Variants in PLEKHM3 observed in about 807,000 individuals in gnomAD.
The protein encoded by PLEKHM3 is pleckstrin homology domain-containing family M member 3.
A neutral mutation model predicts 81.8 loss-of-function variants in PLEKHM3; 45 were observed. The observed-to-expected ratio is 0.55, with a 90% CI of 0.43 to 0.71. The LOEUF (loss-of-function observed/expected upper bound fraction) is 0.71, where lower values mean the gene tolerates loss of function less well. Ranked by LOEUF, PLEKHM3 falls within the 30% of genes least tolerant of loss-of-function variation. The pLI is 0.00. For missense variants in PLEKHM3, 788 were observed against 924.3 expected (o/e 0.85, Z 1.91); for synonymous variants, 352 against 356.4 (o/e 0.99, Z 0.14).
intron 3 of PLEKHM3, among the ~76,000 whole-genome samples, chr2:207,971,606 G>A (rs1691124354): frequency 6.7e-6 from 1 of 150,352 alleles, no homozygotes; most frequent in Non-Finnish European, 1.5e-5. Context: ...AATTTATATG[G>A]CATTTTGTGA....
Position 207,908,543 on chromosome 2 carries a change from G to T in PLEKHM3, c.1921C>A (p.His641Asn), listed in dbSNP as rs1688699973. 1 of 1,612,948 alleles carries T rather than the reference G, an allele frequency of 6.2e-7. No homozygotes were observed. The highest frequency in any genetic ancestry group is 1.1e-5 in the South Asian group (1 of 90,882). The change falls in exon 6 of 8, where the codon CAC (histidine) becomes AAC (asparagine). Residue 641 changes from histidine (H) to asparagine (N), a missense_variant. His to Asn is a moderately conservative substitution (Grantham distance 68). Transcript: ENST00000427836. ...TGCAGGTCGGCAAGTGAATACAGGT[G>T]GATCTGTTGAAGGAGGTATTCTCTG... ...FPREYLLQQI[H>N]LYSLADLQQV...
intron 7 of PLEKHM3, among the ~76,000 whole-genome samples, chr2:207,840,126 A>G (rs1245267879): frequency 6.6e-6 from 1 of 152,224 alleles, no homozygotes; most frequent in Non-Finnish European, 1.5e-5. Context: ...TTCATATAAT[A>G]TATTTAAAAC....
At chr2:208,017,893 G>C (rs1026802915) in intron 1 of PLEKHM3, among the ~76,000 whole-genome samples, 7 of 152,054 alleles carry the variant, frequency 4.6e-5, no homozygotes, top group African/African-American at 1.5e-4. Flanking sequence ...CTCTCTCCTG[G>C]TATTTCTCCT....
At chr2:207,927,927 T>C (rs1313040620) in intron 5 of PLEKHM3, among the ~76,000 whole-genome samples, 1 of 152,158 alleles carries the variant, frequency 6.6e-6, no homozygotes, top group African/African-American at 2.4e-5. Context: ...TCAGAATAAA[T>C]CATCCCTGGT....
In PLEKHM3 at chr2:207,825,266, C is replaced by T. The variant is rs762206775; in HGVS notation, c.*3053G>A. On this transcript the variant is annotated 3_prime_UTR_variant, in exon 8 of 8. Coordinates refer to ENST00000427836, the MANE Select transcript of PLEKHM3 (RefSeq NM_001080475.3). ...ATTTCACCAGGGTTGGACGATCTCA[C>T]ACATGAGTTTCTGGCACTTTTAGGA... The T allele has an allele frequency of 2.4e-4, 37 of 152,282 alleles. No homozygotes were observed. The highest frequency in any genetic ancestry group is 5.0e-4 in the Non-Finnish European group (34 of 68,030). The allele number at this position is 152,282 out of a possible 1,614,324, so 9.4% of individuals were successfully genotyped here. A position where few individuals can be genotyped will look rare whatever the true frequency, so the allele number is the denominator to read the frequency against.
chr2:207,927,207 TTTAGA>T (rs1437391646), intron 5 of PLEKHM3, among the ~76,000 whole-genome samples: 1 of 152,208 alleles, frequency 6.6e-6, no homozygotes, highest in Non-Finnish European at 1.5e-5. Context: ...ACTCCCCCAC[TTTAGA>T]TGTCGTATCC....
At chr2:207,834,760 G>A (rs2092309099) in intron 7 of PLEKHM3, among the ~76,000 whole-genome samples, 1 of 151,912 alleles carries the variant, frequency 6.6e-6, no homozygotes, top group Non-Finnish European at 1.5e-5. Flanking sequence ...CGTCTTGGTG[G>A]TGCGTCTTAG....
intron 5 of PLEKHM3, among the ~76,000 whole-genome samples, chr2:207,909,159 C>T (rs569110074): frequency 1.3e-5 from 2 of 152,294 alleles, no homozygotes; most frequent in South Asian, 4.1e-4. Flanking sequence ...TTTAGAACCT[C>T]TGTACAAATG....
intron 3 of PLEKHM3, among the ~76,000 whole-genome samples, chr2:207,957,762 T>G (rs1214016030): frequency 6.6e-6 from 1 of 152,056 alleles, no homozygotes; most frequent in Non-Finnish European, 1.5e-5. Flanking sequence ...GCAGAAGACA[T>G]TAATTAATTT....
rs370445813 is a variant in PLEKHM3 at position 207,828,425 on chromosome 2, C to T, written c.2180G>A (p.Arg727His). 2.5e-5 allele frequency: 40 copies of T among 1,614,032 alleles called. No individual in the cohort carries two copies. Among genetic ancestry groups the T allele is most frequent in the African/African-American group, 4.0e-5 (3 of 74,980 alleles). The part of the protein sequence containing the change: ...EKSVPCPRCV[R>H]RELQKKQKSF... ...CTTCTGCTTCTTCTGCAGCTCTCGGCGAACACACCTCGGGCAGGGGACAGA... is the reference window on the plus strand; with the variant it reads ...CTTCTGCTTCTTCTGCAGCTCTCGGTGAACACACCTCGGGCAGGGGACAGA... The change falls in exon 8 of 8, where the codon CGC (arginine) becomes CAC (histidine). Residue 727 changes from arginine (R) to histidine (H), a missense_variant. Arg to His is a conservative substitution (Grantham distance 29). Coordinates refer to ENST00000427836, the MANE Select transcript of PLEKHM3 (RefSeq NM_001080475.3).
intron 6 of PLEKHM3, among the ~76,000 whole-genome samples, chr2:207,896,908 A>C (rs1202056995): frequency 6.6e-6 from 1 of 152,242 alleles, no homozygotes; most frequent in African/African-American, 2.4e-5. Flanking sequence ...AAATTTACAG[A>C]AAGACTGCTT....
chr2:207,855,231 A>G (rs563904706), intron 7 of PLEKHM3, among the ~76,000 whole-genome samples: 1 of 152,208 alleles, frequency 6.6e-6, no homozygotes, highest in South Asian at 2.1e-4. Context: ...AACCAAACCA[A>G]AAACAACTCC....
At chr2:207,969,964 C>T (rs895891572) in intron 3 of PLEKHM3, among the ~76,000 whole-genome samples, 1 of 152,162 alleles carries the variant, frequency 6.6e-6, no homozygotes, top group Non-Finnish European at 1.5e-5. Context: ...AAATAAAGAA[C>T]TAAAAAGCAC....
intron 4 of PLEKHM3, among the ~76,000 whole-genome samples, chr2:207,936,586 G>C (rs970259561): frequency 6.6e-6 from 1 of 152,054 alleles, no homozygotes; most frequent in Non-Finnish European, 1.5e-5. Context: ...AGCACCAGGG[G>C]AAGAGAGGCA....
At chr2:207,944,530 C>T (rs1286936272) in intron 4 of PLEKHM3, among the ~76,000 whole-genome samples, 1 of 152,126 alleles carries the variant, frequency 6.6e-6, no homozygotes, top group Non-Finnish European at 1.5e-5. Flanking sequence ...GCATAATCAC[C>T]CCTATTTTCT....
intron 3 of PLEKHM3, among the ~76,000 whole-genome samples, chr2:207,972,586 CAAAAA>C (rs35602924): frequency 5.0e-5 from 3 of 59,602 alleles, no homozygotes; most frequent in East Asian, 4.7e-4. Flanking sequence ...GACTCCGTCT[CAAAAA>C]AAAAAAAAAA....
At chr2:207,872,707 C>T (rs1170083813) in intron 6 of PLEKHM3, among the ~76,000 whole-genome samples, 1 of 152,106 alleles carries the variant, frequency 6.6e-6, no homozygotes, top group Non-Finnish European at 1.5e-5. Flanking sequence ...GAGGGTGGTG[C>T]TGCATGCTTG....
chr2:207,917,068 A>G (rs183419709), intron 5 of PLEKHM3, among the ~76,000 whole-genome samples: 8 of 152,342 alleles, frequency 5.3e-5, no homozygotes, highest in Admixed American at 5.2e-4. Context: ...AGGAAGATAG[A>G]TGACTCAAAA....
At chr2:207,985,713 GGT>G (rs1691692349) in intron 2 of PLEKHM3, among the ~76,000 whole-genome samples, 1 of 151,976 alleles carries the variant, frequency 6.6e-6, no homozygotes. Context: ...GGCCGGGTGC[GGT>G]GTGGCTCATG....
Sources: gnomAD v4.1 joint callset for allele counts (sites outside exome capture counted in the v4.1 genomes callset) on GRCh38, gnomAD v4.1.1 for gene constraint, MANE v1.5 for transcripts, NCBI Gene and HGNC (gene_info 2026-07-23, HGNC 2026-07-21) for gene names.